The following UGGT2 variants were observed in gnomAD, a reference collection of about 807,000 sequenced individuals.
UGGT2 encodes UDP-glucose:glycoprotein glucosyltransferase 2.
In UGGT2, 180 loss-of-function variants were observed where a neutral mutation model predicts 192.1. That is an observed-to-expected ratio of 0.94 (90% confidence interval 0.83 to 1.06). The LOEUF (loss-of-function observed/expected upper bound fraction) is 1.06. Among genes scored for constraint, UGGT2 ranks in the 50% least tolerant of loss-of-function variants. The probability of loss-of-function intolerance (pLI) is 0.00; values close to 1 mark genes in which losing one functional copy is unlikely to be tolerated. For missense variants in UGGT2, 1,849 were observed against 1,795.7 expected (o/e 1.03, Z -0.54); for synonymous variants, 580 against 591.0 (o/e 0.98, Z 0.27).
intron 38 of UGGT2, among the ~76,000 whole-genome samples, chr13:95,828,059 G>C (rs1033275675): frequency 5.9e-5 from 9 of 152,078 alleles, no homozygotes; most frequent in Non-Finnish European, 5.9e-5. Context: ...AAACTGCTCA[G>C]GGACACAGAC....
At chr13:96,020,725 G>A (rs577289013) in intron 4 of UGGT2, among the ~76,000 whole-genome samples, 63 of 152,034 alleles carry the variant, frequency 4.1e-4, no homozygotes, top group Non-Finnish European at 6.5e-4. Context: ...TTTTCTTCTC[G>A]ACCCATGGGC....
At chr13:95,874,989 C>A (rs1022988171) in intron 29 of UGGT2, among the ~76,000 whole-genome samples, 1 of 152,090 alleles carries the variant, frequency 6.6e-6, no homozygotes, top group African/African-American at 2.4e-5. Context: ...CCATGCCTAG[C>A]CTAAGTGTAA....
intron 25 of UGGT2, among the ~76,000 whole-genome samples, chr13:95,889,034 G>C (rs1238917172): frequency 6.6e-6 from 1 of 151,806 alleles, no homozygotes; most frequent in African/African-American, 2.4e-5. Context: ...TGCCCAGGCT[G>C]GTCTTGAATT....
At chr13:96,051,395 G>A (rs1191925244) in intron 1 of UGGT2, among the ~76,000 whole-genome samples, 6 of 152,096 alleles carry the variant, frequency 3.9e-5, no homozygotes, top group Non-Finnish European at 8.8e-5. Context: ...GAGTTAATGG[G>A]TGCAGCACAC....
At chr13:95,982,957 G>C (rs778472361) in intron 10 of UGGT2, among the ~76,000 whole-genome samples, 3 of 152,150 alleles carry the variant, frequency 2.0e-5, no homozygotes, top group Non-Finnish European at 4.4e-5. Flanking sequence ...CAAAACAGCT[G>C]ACATTTGTTG....
chr13:96,007,101 C>G (rs2052004842), intron 5 of UGGT2, among the ~76,000 whole-genome samples: 1 of 152,192 alleles, frequency 6.6e-6, no homozygotes, highest in South Asian at 2.1e-4. Context: ...GCACCATGAT[C>G]AAGTGAGATT....
intron 13 of UGGT2, 134 bp from the exon 14 acceptor site, chr13:95,948,215 GAATA>G: frequency 3.0e-6 from 1 of 338,870 alleles, no homozygotes; most frequent in Non-Finnish European, 5.6e-6. Context: ...CAATTCTAAG[GAATA>G]CACACACACA....
intron 5 of UGGT2, among the ~76,000 whole-genome samples, chr13:96,006,801 G>A (rs996923124): frequency 1.3e-5 from 2 of 152,066 alleles, no homozygotes; most frequent in Non-Finnish European, 2.9e-5. Context: ...TACCACACAT[G>A]GGAAACATCA....
chr13:96,012,197 T>C (rs1473626089), intron 5 of UGGT2, among the ~76,000 whole-genome samples: 1 of 152,030 alleles, frequency 6.6e-6, no homozygotes, highest in Non-Finnish European at 1.5e-5. Flanking sequence ...AATAAAGACT[T>C]GACTGTTCAA....
intron 36 of UGGT2, among the ~76,000 whole-genome samples, chr13:95,837,662 G>C (rs927065399): frequency 3.3e-5 from 5 of 152,192 alleles, no homozygotes; most frequent in African/African-American, 1.2e-4. Flanking sequence ...TCTAAGTAAA[G>C]ATTGCTGGCA....
At chr13:95,896,553 G>A (rs1297627318) in intron 22 of UGGT2, among the ~76,000 whole-genome samples, 1 of 152,024 alleles carries the variant, frequency 6.6e-6, no homozygotes, top group African/African-American at 2.4e-5. Flanking sequence ...AGCGACAGGG[G>A]CAGTTTTGTT....
chr13:95,999,380 G>C, intron 5 of UGGT2, 73 bp from the exon 6 acceptor site: 1 of 1,330,298 alleles, frequency 7.5e-7, no homozygotes, highest in Non-Finnish European at 1.1e-6. Flanking sequence ...TCAGTACCAC[G>C]ATGTATTTGG....
At chr13:95,819,376 C>T (rs978512990) in intron 38 of UGGT2, among the ~76,000 whole-genome samples, 1 of 151,704 alleles carries the variant, frequency 6.6e-6, no homozygotes, top group Non-Finnish European at 1.5e-5. Context: ...ATTTATATAC[C>T]ATTGTTATCC....
chr13:95,877,983 T>C lies in UGGT2; in HGVS notation c.3229-127A>G, dbSNP rs1005030095. The C allele has an allele frequency of 5.5e-6, 5 of 911,474 alleles. No individual in the cohort carries two copies. The African/African-American group carries it at 8.4e-5, about 15-fold the overall frequency. 56.5% of individuals were successfully genotyped at this position (911,474 alleles called of 1,614,324 possible). A position where few individuals can be genotyped will look rare whatever the true frequency, so the allele number is the denominator to read the frequency against. On this transcript the variant is annotated intron_variant, in intron 27 of 38. Transcript: ENST00000376747. The stretch of plus-strand genomic sequence containing the variant: ...TTGGTGGCTAACTTTAAGTCTTTAT[T>C]TTACACATGAGTGAATTCATGAGTT...
rs576679835 is a variant in UGGT2, at chr13:95,854,323, G to A, written c.4161C>T (p.Tyr1387=). The A allele has an allele frequency of 3.1e-6, 5 of 1,611,888 alleles. No individual in the cohort carries two copies. Among genetic ancestry groups the A allele is most frequent in the Admixed American group, 3.3e-5 (2 of 59,708 alleles). The change falls in exon 35 of 39, where the codon TAC becomes TAT. Residue 1387 remains tyrosine (Y), a synonymous_variant. Transcript: ENST00000376747. The stretch of plus-strand genomic sequence containing the variant: ...GGTCTGACTTTTCTTACCTGATATG[G>A]TATTTCCGTCTTAAAAGATGTGATG... ...YWASHLLRRK[Y]HISALYVVDL... is the part of the protein sequence containing the mutation.
intron 1 of UGGT2, 41 bp from the exon 2 acceptor site, chr13:96,032,012 T>A: frequency 6.8e-7 from 1 of 1,470,452 alleles, no homozygotes; most frequent in Non-Finnish European, 9.5e-7. Flanking sequence ...AGATGGAATT[T>A]AAAATGGTTT....
chr13:95,940,441 A>ATT (rs1191603877), intron 15 of UGGT2, among the ~76,000 whole-genome samples: 5 of 144,264 alleles, frequency 3.5e-5, no homozygotes, highest in African/African-American at 1.3e-4. Flanking sequence ...CTTTTCTGTA[A>ATT]TTTTTTTCTT....
chr13:96,023,461 C>A (rs1313070160), intron 3 of UGGT2, among the ~76,000 whole-genome samples, 168 bp downstream of exon 3: 2 of 151,876 alleles, frequency 1.3e-5, no homozygotes, highest in Admixed American at 1.3e-4. Context: ...AGAATATATT[C>A]AATTACATTA....
rs377402478 is a variant in UGGT2 at position 96,036,263 on chromosome 13, T to G, written c.159-4292A>C. Among the ~76,000 whole-genome samples the G allele has an allele frequency of 1.4e-3, 209 of 152,244 alleles. No individual in the cohort carries two copies. The South Asian group carries it at 0.015, about 11-fold the overall frequency. On this transcript the variant is annotated intron_variant, in intron 1 of 38. Transcript: ENST00000376747. ...GTCATGTCTTTTGCAGAAACATGGATGGAGCTGGAAGCCATTATCCTCAGC... is the reference window on the plus strand; with the variant it reads ...GTCATGTCTTTTGCAGAAACATGGAGGGAGCTGGAAGCCATTATCCTCAGC...
Sources: allele counts gnomAD v4.1 joint callset (sites outside exome capture counted in the v4.1 genomes callset), GRCh38; gene constraint gnomAD v4.1.1; transcripts MANE v1.5; gene names NCBI Gene and HGNC (gene_info 2026-07-23, HGNC 2026-07-21).